The following PXDC1 variants were observed in gnomAD, a reference collection of about 807,000 sequenced individuals.
PXDC1 encodes PX domain containing 1.
PXDC1 carries 13 observed loss-of-function variants against 24.4 expected under a neutral mutation model. That is an observed-to-expected ratio of 0.53 (90% CI 0.35 to 0.85). The LOEUF (loss-of-function observed/expected upper bound fraction) is 0.85. PXDC1 is among the 40% of genes least tolerant of loss of function. PXDC1 has a pLI of 0.01. For missense variants in PXDC1, 344 were observed against 309.3 expected, an observed-to-expected ratio of 1.11 and a Z score of -0.84; for synonymous variants, 162 against 124.9, an observed-to-expected ratio of 1.30 and a Z score of -1.98.
chr6:3,731,496 T>C (rs1017066330), intron 3 of PXDC1, among the ~76,000 whole-genome samples: 5 of 152,248 alleles, frequency 3.3e-5, no homozygotes, highest in African/African-American at 1.2e-4. Context: ...TAGTTGACTT[T>C]CAAGCTATTT....
At chr6:3,739,512 A>G (rs1050348978) in intron 1 of PXDC1, among the ~76,000 whole-genome samples, 12 of 152,242 alleles carry the variant, frequency 7.9e-5, no homozygotes, top group African/African-American at 2.2e-4. Flanking sequence ...ACAAGGGTCC[A>G]AGAGGGGCAG....
chr6:3,739,170 G>C (rs1029236152), intron 1 of PXDC1: 1 of 1,092,706 alleles, frequency 9.2e-7, no homozygotes, highest in Admixed American at 4.2e-5. Flanking sequence ...GTCTATAAGA[G>C]AGATAAAAAA....
rs755106603 is a variant in PXDC1 at position 3,737,789 on chromosome 6, C to G, written c.348+268G>C. ...GCCAGAGGGGATCCGCACCCTTCCACCCATGCCTCCTTGCATCCCTCATTT... is the reference window on the plus strand; with the variant it reads ...GCCAGAGGGGATCCGCACCCTTCCAGCCATGCCTCCTTGCATCCCTCATTT... On this transcript the variant is annotated intron_variant, in intron 2 of 4. Coordinates refer to ENST00000380283, the MANE Select transcript of PXDC1 (RefSeq NM_183373.4). This position sits in a 1 kb window ranked among gnomAD's most constrained non-coding sequence, Gnocchi z 5.5. 31 of 573,792 alleles carry G rather than the reference C, an allele frequency of 5.4e-5. No individual in the cohort carries two copies. The highest frequency in any genetic ancestry group is 6.8e-5 in the Non-Finnish European group (31 of 454,228). The allele number at this position is 573,792 out of a possible 1,614,324, so 35.5% of individuals were successfully genotyped here.
At chr6:3,747,451 C>T (rs1760596147) in intron 1 of PXDC1, among the ~76,000 whole-genome samples, 1 of 152,102 alleles carries the variant, frequency 6.6e-6, no homozygotes, top group Non-Finnish European at 1.5e-5. Context: ...CAAATGTGAC[C>T]ACGACCTTCC....
At position 3,751,543 on chromosome 6, in the gene PXDC1, G is replaced by T. The variant is rs1469047195; in HGVS notation, c.-12C>A. Reference sequence around the variant, plus strand: ...ACCGCCGAGGCCATGTCGCACGCATGCCCCCGCCAAGGGCTCCCCAGCCCC... The same window carrying T: ...ACCGCCGAGGCCATGTCGCACGCATTCCCCCGCCAAGGGCTCCCCAGCCCC... On this transcript the variant is annotated 5_prime_UTR_variant, in exon 1 of 5. Transcript: ENST00000380283. 2 of 1,555,950 alleles carry T rather than the reference G, an allele frequency of 1.3e-6. No individual in the cohort carries two copies. Among genetic ancestry groups the T allele is most frequent in the African/African-American group, 1.4e-5 (1 of 71,204 alleles).
intron 3 of PXDC1, among the ~76,000 whole-genome samples, chr6:3,733,840 T>TCCCATGGC (rs1760256729): frequency 6.6e-6 from 1 of 152,044 alleles, no homozygotes; most frequent in Non-Finnish European, 1.5e-5. Context: ...CCTGACCCCT[T>TCCCATGGC]CCCATGGCAG....
At position 3,735,740 on chromosome 6, in the gene PXDC1, TG is replaced by T. The variant is rs1760302132; in HGVS notation, c.466+1338del. Among the ~76,000 whole-genome samples, 5 of 152,262 alleles carry T rather than the reference TG, an allele frequency of 3.3e-5. No homozygotes were observed. The South Asian group carries it at 1.0e-3, about 32-fold the overall frequency. ...ACTGCCTTGTGTATTTCAAAATAGC[TG>T]GAAGAGAGGATTTTGAATGTTCTCA... is the stretch of plus-strand genomic sequence containing the variant. On this transcript the variant is annotated intron_variant, in intron 3 of 4. Coordinates refer to ENST00000380283, the MANE Select transcript of PXDC1 (RefSeq NM_183373.4).
chr6:3,749,479 A>T (rs1561741319), intron 1 of PXDC1, among the ~76,000 whole-genome samples: 1 of 144,648 alleles, frequency 6.9e-6, no homozygotes, highest in Non-Finnish European at 1.5e-5. Flanking sequence ...ACAGCTTGTG[A>T]CCGCGTAACA....
rs11242868 is a variant in PXDC1 at position 3,737,466 on chromosome 6, T to C, written c.349-270A>G. Among the ~76,000 whole-genome samples, 52,724 of 152,072 alleles carry C rather than the reference T, an allele frequency of 0.35. 9,279 individuals are homozygous for C. The highest frequency in any genetic ancestry group is 0.44 in the Middle Eastern group (128 of 294). ...ATGGCTCTGATGTGCCAGTTTCACT[T>C]GCGCCTCCCTCCCTCTATAGTCAAC... On this transcript the variant is annotated intron_variant, in intron 2 of 4. Transcript: ENST00000380283. This position sits in a 1 kb window ranked among gnomAD's most constrained non-coding sequence, Gnocchi z 5.5.
In PXDC1 at chr6:3,725,731, C is replaced by T. The variant is rs1403433114; in HGVS notation, c.578+1820G>A. Among the ~76,000 whole-genome samples, 3 of 152,200 alleles carry T rather than the reference C, an allele frequency of 2.0e-5. No individual in the cohort carries two copies. Among genetic ancestry groups the T allele is most frequent in the Admixed American group, 1.3e-4 (2 of 15,288 alleles). Reference sequence around the variant, plus strand: ...CCCGACAGCCGGTGCCGTGTAGAAACAGATCGTCCCTGTGAGACACTGGAG... The same window carrying T: ...CCCGACAGCCGGTGCCGTGTAGAAATAGATCGTCCCTGTGAGACACTGGAG... On this transcript the variant is annotated intron_variant, in intron 4 of 4. Transcript: ENST00000380283. This position sits in a 1 kb window ranked among gnomAD's most constrained non-coding sequence, Gnocchi z 4.8.
chr6:3,751,547 C>T lies in PXDC1; in HGVS notation c.-16G>A, dbSNP rs1760724959. ...CCGAGGCCATGTCGCACGCATGCCC[C>T]CGCCAAGGGCTCCCCAGCCCCGCCG... On this transcript the variant is annotated 5_prime_UTR_variant, in exon 1 of 5. Transcript: ENST00000380283. The T allele has an allele frequency of 2.6e-6, 4 of 1,550,024 alleles. No homozygotes were observed. The Admixed American group carries it at 5.5e-5, about 21-fold the overall frequency.
intron 3 of PXDC1, among the ~76,000 whole-genome samples, chr6:3,729,429 C>T (rs540789736): frequency 6.6e-6 from 1 of 152,296 alleles, no homozygotes; most frequent in Admixed American, 6.5e-5. Flanking sequence ...AGAAGGGCCA[C>T]TGGTGTTTCC....
intron 1 of PXDC1, among the ~76,000 whole-genome samples, chr6:3,744,827 A>T (rs1318852386): frequency 6.6e-6 from 1 of 152,230 alleles, no homozygotes; most frequent in East Asian, 1.9e-4. Flanking sequence ...CCTCCCGAGC[A>T]GCTGGGACTA....
At chr6:3,730,246 C>T (rs947043202) in intron 3 of PXDC1, among the ~76,000 whole-genome samples, 9 of 152,134 alleles carry the variant, frequency 5.9e-5, no homozygotes, top group African/African-American at 1.9e-4. Flanking sequence ...CCCAGAACCT[C>T]GAAAAACCTA....
At chr6:3,726,289 C>A (rs1561730275) in intron 4 of PXDC1, among the ~76,000 whole-genome samples, 1 of 152,222 alleles carries the variant, frequency 6.6e-6, no homozygotes, top group Non-Finnish European at 1.5e-5. Flanking sequence ...CAGCCTTGTA[C>A]CTCCACGGTG....
intron 1 of PXDC1, among the ~76,000 whole-genome samples, chr6:3,749,057 G>C (rs1032682190): frequency 2.6e-5 from 4 of 152,146 alleles, no homozygotes; most frequent in African/African-American, 9.7e-5. Flanking sequence ...TCAAAGAAAG[G>C]GAAAGGACTT....
rs1229001580 is a variant in PXDC1, at chr6:3,728,035, T to C, written c.467-373A>G. Among the ~76,000 whole-genome samples, 2 of 152,214 alleles carry C rather than the reference T, an allele frequency of 1.3e-5. No individual in the cohort carries two copies. The highest frequency in any genetic ancestry group is 4.8e-5 in the African/African-American group (2 of 41,468). On this transcript the variant is annotated intron_variant, in intron 3 of 4. Coordinates refer to ENST00000380283, the MANE Select transcript of PXDC1 (RefSeq NM_183373.4). The surrounding 1 kb of genome is among the most constrained non-coding windows in gnomAD (Gnocchi z 4.0). ...GCTATGGCACAGTGACATGTGGCTC[T>C]GCCCAGGGTACCTCTCCTTGCTGAG... is the stretch of plus-strand genomic sequence containing the variant.
At chr6:3,739,599 G>T (rs1041775717) in intron 1 of PXDC1, among the ~76,000 whole-genome samples, 1 of 152,216 alleles carries the variant, frequency 6.6e-6, no homozygotes, top group African/African-American at 2.4e-5. Flanking sequence ...GCCCAAGCAC[G>T]ATGCCCTGGC....
intron 1 of PXDC1, 52 bp downstream of exon 1, chr6:3,751,224 C>T: frequency 7.6e-7 from 1 of 1,307,412 alleles, no homozygotes; most frequent in Non-Finnish European, 1.0e-6. Flanking sequence ...CTCCTTCGTG[C>T]ACTTCAAGGC....
Sources: gnomAD v4.1 joint callset for allele counts (sites outside exome capture counted in the v4.1 genomes callset) on GRCh38, gnomAD v4.1.1 for gene constraint, Gnocchi (gnomAD v3.1) non-coding constraint, MANE v1.5 for transcripts, NCBI Gene and HGNC (gene_info 2026-07-23, HGNC 2026-07-21) for gene names.